FGD5: variants seen among roughly 807,000 people sequenced by gnomAD.
FGD5 encodes FYVE, RhoGEF and PH domain containing 5, also known as FYVE, RhoGEF and PH domain-containing protein 5.
A neutral mutation model predicts 133.4 loss-of-function variants in FGD5; 28 were observed. The ratio of observed to expected loss-of-function variants is 0.21; its 90% CI spans 0.16 to 0.29. The LOEUF (loss-of-function observed/expected upper bound fraction) is 0.29. FGD5 is among the 10% of genes least tolerant of loss of function. FGD5 has a pLI of 1.00. For synonymous variants in FGD5, 810 were observed against 776.5 expected, an observed-to-expected ratio of 1.04 and a Z score of -0.72; for missense variants, 1,858 against 1,895.2, an observed-to-expected ratio of 0.98 and a Z score of 0.36.
intron 15 of FGD5, 36 bp from the exon 16 acceptor site, chr3:14,923,010 T>C: frequency 6.2e-7 from 1 of 1,613,156 alleles, no homozygotes. Flanking sequence ...TTGCATGCAC[T>C]GAGAGGGGTG....
At position 14,880,537 on chromosome 3, in the gene FGD5, C is replaced by G. The variant is rs762479230; in HGVS notation, c.2659-35C>G. 30 of 1,607,730 alleles carry G rather than the reference C, an allele frequency of 1.9e-5. No homozygotes were observed. The East Asian group carries it at 6.0e-4, about 32-fold the overall frequency. Reference sequence around the variant, plus strand: ...TGGCCTCCTCTAGAAACCACTGATGCCTGTCCCACCTGATTGCTCTCTTTC... The same window carrying G: ...TGGCCTCCTCTAGAAACCACTGATGGCTGTCCCACCTGATTGCTCTCTTTC... On this transcript the variant is annotated intron_variant, in intron 2 of 19. Coordinates refer to ENST00000285046, the MANE Select transcript of FGD5 (RefSeq NM_152536.4).
At chr3:14,916,714 A>G (rs1447050730) in intron 11 of FGD5, among the ~76,000 whole-genome samples, 1 of 152,120 alleles carries the variant, frequency 6.6e-6, no homozygotes, top group Non-Finnish European at 1.5e-5. Flanking sequence ...ATTTCTCCCA[A>G]CCCTGGGGGC....
chr3:14,829,581 C>T (rs1026802741), intron 1 of FGD5, among the ~76,000 whole-genome samples: 3 of 152,214 alleles, frequency 2.0e-5, no homozygotes, highest in African/African-American at 7.2e-5. Context: ...TTGCATTTCT[C>T]TTTTCATTCT....
At chr3:14,882,276 C>T in intron 4 of FGD5, 2 of 985,146 alleles carry the variant, frequency 2.0e-6, no homozygotes, top group Non-Finnish European at 2.4e-6. Context: ...TTTATGACTT[C>T]ATAAGAGGGT....
chr3:14,831,488 C>T (rs2036705991), intron 1 of FGD5, among the ~76,000 whole-genome samples: 1 of 152,138 alleles, frequency 6.6e-6, no homozygotes, highest in South Asian at 2.1e-4. Flanking sequence ...TCTCAGGCTG[C>T]TCTCCCACCC....
At chr3:14,849,930 A>AG (rs1322536365) in intron 1 of FGD5, among the ~76,000 whole-genome samples, 1 of 151,884 alleles carries the variant, frequency 6.6e-6, no homozygotes, top group African/African-American at 2.4e-5. Flanking sequence ...TCTGTGTGGA[A>AG]GGGAGGGGTG....
intron 1 of FGD5, among the ~76,000 whole-genome samples, chr3:14,824,961 AG>A (rs1378419841): frequency 3.3e-5 from 5 of 152,226 alleles, no homozygotes; most frequent in South Asian, 2.1e-4. Flanking sequence ...CACCACACAG[AG>A]ACTTTCTACC....
intron 4 of FGD5, 52 bp downstream of exon 4, chr3:14,880,824 T>A: frequency 6.3e-7 from 1 of 1,597,264 alleles, no homozygotes; most frequent in Non-Finnish European, 8.5e-7. Flanking sequence ...TACAAGTCTG[T>A]GATATAAGAG....
At chr3:14,918,029 T>G (rs1454458139) in intron 12 of FGD5, among the ~76,000 whole-genome samples, 1 of 152,248 alleles carries the variant, frequency 6.6e-6, no homozygotes. Flanking sequence ...ACATGGTGTT[T>G]ATTCAATCCT....
chr3:14,919,016 C>G (rs951494306), intron 13 of FGD5, among the ~76,000 whole-genome samples, 183 bp downstream of exon 13: 8 of 152,098 alleles, frequency 5.3e-5, no homozygotes, highest in South Asian at 2.1e-4. Flanking sequence ...TTGATAAAAA[C>G]TTTTCTCCCC....
At chr3:14,812,637 C>T (rs1027258849) in intron 1 of FGD5, among the ~76,000 whole-genome samples, 1 of 152,132 alleles carries the variant, frequency 6.6e-6, no homozygotes, top group African/African-American at 2.4e-5. Context: ...CAGGCCGTGC[C>T]CCATGGTCTG....
rs2036427023 is a variant in FGD5, at chr3:14,819,042, A to C, written c.-30A>C. On this transcript the variant is annotated 5_prime_UTR_variant, in exon 1 of 20. Transcript: ENST00000285046. This position sits in a 1 kb window ranked among gnomAD's most constrained non-coding sequence, Gnocchi z 4.1. ...CGCGCCCAAATTCCCTTCCTCAGCCAGGCCCGAGAGTCTTCACAGTCCAAA... is the reference window on the plus strand; with the variant it reads ...CGCGCCCAAATTCCCTTCCTCAGCCCGGCCCGAGAGTCTTCACAGTCCAAA... 1 of 1,509,170 alleles carries C rather than the reference A, an allele frequency of 6.6e-7. No individual in the cohort carries two copies. Among genetic ancestry groups the C allele is most frequent in the East Asian group, 2.5e-5 (1 of 39,994 alleles). The allele number at this position is 1,509,170 out of a possible 1,614,324, so 93.5% of individuals were successfully genotyped here.
At chr3:14,906,560 C>T (rs910204733) in intron 9 of FGD5, among the ~76,000 whole-genome samples, 2 of 152,202 alleles carry the variant, frequency 1.3e-5, no homozygotes, top group African/African-American at 4.8e-5. Flanking sequence ...CCCACCTTGC[C>T]CCTGCCTTTC....
intron 1 of FGD5, among the ~76,000 whole-genome samples, chr3:14,852,876 G>A (rs141015705): frequency 0.017 from 2,625 of 152,300 alleles, 36 homozygotes; most frequent in Non-Finnish European, 0.024. Context: ...GGCAGGCAGC[G>A]TTCTCAGGGC....
At chr3:14,896,391 C>G (rs920771577) in intron 4 of FGD5, among the ~76,000 whole-genome samples, 1 of 152,128 alleles carries the variant, frequency 6.6e-6, no homozygotes, top group Non-Finnish European at 1.5e-5. Context: ...AAATTTACTT[C>G]GAAGTTTTAG....
Position 14,826,367 on chromosome 3 carries a change from C to A in FGD5, c.2525+4771C>A, listed in dbSNP as rs561519505. ...CCATTAGTGCATGTTGTTCTTGACA[C>A]ATTTATGGTAGCTTTTTCTGTTTAC... On this transcript the variant is annotated intron_variant, in intron 1 of 19. Transcript: ENST00000285046. Among the ~76,000 whole-genome samples, 63 of 152,232 alleles carry A rather than the reference C, an allele frequency of 4.1e-4. 1 individual carries two copies. The South Asian group carries it at 1.0e-2, about 24-fold the overall frequency.
At chr3:14,815,863 A>G (rs957720149), upstream of FGD5, among the ~76,000 whole-genome samples, 4 of 152,120 alleles carry the variant, frequency 2.6e-5, no homozygotes, top group African/African-American at 7.2e-5. Flanking sequence ...CCTGCTCTGG[A>G]CTCGCTGGGT....
intron 13 of FGD5, among the ~76,000 whole-genome samples, chr3:14,919,280 T>A (rs368061521): frequency 6.6e-6 from 1 of 152,240 alleles, no homozygotes; most frequent in African/African-American, 2.4e-5. Context: ...TCATCACTTA[T>A]GTTGCCCTGT....
intron 2 of FGD5, among the ~76,000 whole-genome samples, chr3:14,866,575 C>G (rs565781762): frequency 2.0e-5 from 3 of 152,210 alleles, no homozygotes; most frequent in East Asian, 3.9e-4. Context: ...CCACTCTGCT[C>G]GTAGGATTCC....
Sources: allele counts gnomAD v4.1 joint callset (sites outside exome capture counted in the v4.1 genomes callset), GRCh38; gene constraint gnomAD v4.1.1; non-coding constraint Gnocchi (gnomAD v3.1); transcripts MANE v1.5; gene names NCBI Gene and HGNC (gene_info 2026-07-23, HGNC 2026-07-21).